The following BBS12 variants were observed in gnomAD, a reference collection of about 807,000 sequenced individuals.
BBS12 encodes chaperonin-containing T-complex member BBS12.
Under a neutral mutation model 5.6 loss-of-function variants are expected in BBS12, and 5 were observed. That is an observed-to-expected ratio of 0.89 (90% CI 0.46 to 1.86). BBS12 has a LOEUF of 1.86. BBS12 is among the 40% of genes most tolerant of loss of function. The pLI, the probability that BBS12 is intolerant of heterozygous loss-of-function variation, is 0.01. For missense variants in BBS12, 748 were observed against 830.4 expected (o/e 0.90, Z 1.22); for synonymous variants, 308 against 306.8 (o/e 1.00, Z -0.04).
At chr4:122,716,671 GTGTATATATACACA>G in the BBS12 span, among the ~76,000 whole-genome samples, 37 of 61,256 alleles carry the variant, frequency 6.0e-4, no homozygotes, top group African/African-American at 2.6e-3. Context: ...ATACACATAT[GTGTATATATACACA>G]TATGTGTATG....
At chr4:122,726,502 GAAAAAA>G in the BBS12 span, among the ~76,000 whole-genome samples, 1 of 152,112 alleles carries the variant, frequency 6.6e-6, no homozygotes, top group Non-Finnish European at 1.5e-5. Context: ...AGCCACTATG[GAAAAAA>G]CTGTGGAGAT....
chr4:122,743,907 C>G lies in BBS12; in HGVS notation c.2015C>G (p.Ala672Gly). The change falls in exon 2 of 2, where the codon GCG becomes GGG. Residue 672 changes from alanine to glycine, a missense_variant. Ala to Gly is a moderately conservative substitution (Grantham distance 60, BLOSUM62 0). Coordinates refer to ENST00000314218, the MANE Select transcript of BBS12 (RefSeq NM_152618.3). ...VYDVVTPKIE[A>G]WRRALDLVLL... ...GACGTTGTTACACCAAAGATTGAGGCGTGGCGCCGAGCATTGGATTTAGTA... is the reference window on the plus strand; with the variant it reads ...GACGTTGTTACACCAAAGATTGAGGGGTGGCGCCGAGCATTGGATTTAGTA... 1 of 1,605,508 alleles carries G rather than the reference C, an allele frequency of 6.2e-7. No homozygotes were observed. Among genetic ancestry groups the G allele is most frequent in the Non-Finnish European group, 8.5e-7 (1 of 1,176,008 alleles).
In BBS12 at chr4:122,736,508, GA is replaced by G. The variant is rs149165104; in HGVS notation, c.-11+3634del. ...TAGACAAAACTGGACATAATCTTTT[GA>G]AAAAAAAAACTTATTCTGATGTCAA... is the stretch of plus-strand genomic sequence containing the variant. On this transcript the variant is annotated intron_variant, in intron 1 of 1. Transcript: ENST00000314218. Among the ~76,000 whole-genome samples the G allele has an allele frequency of 7.1e-3, 1,057 of 148,146 alleles. 12 individuals carry two copies. The highest frequency in any genetic ancestry group is 0.025 in the African/African-American group (1,003 of 40,588).
the BBS12 span, among the ~76,000 whole-genome samples, chr4:122,714,270 T>G: frequency 1.2e-3 from 177 of 152,300 alleles, no homozygotes; most frequent in African/African-American, 4.2e-3. Context: ...CTGTTATCCT[T>G]GGTACCTTGA....
At position 122,743,948 on chromosome 4, in the gene BBS12, A is replaced by G. The variant is rs1471086268; in HGVS notation, c.2056A>G (p.Thr686Ala). The change falls in exon 2 of 2, where the codon ACA becomes GCA. Residue 686 changes from threonine to alanine, a missense_variant. By Grantham distance (58) the Thr-to-Ala change is moderately conservative. Coordinates refer to ENST00000314218, the MANE Select transcript of BBS12 (RefSeq NM_152618.3). The stretch of plus-strand genomic sequence containing the variant: ...GGATTTAGTATTGTTAGTACTTCAG[A>G]CAGACAGTGAAATAATTACTGGACA... The part of the protein sequence containing the change: ...ALDLVLLVLQ[T>A]DSEIITGHGH... 1 of 1,612,812 alleles carries G rather than the reference A, an allele frequency of 6.2e-7. No individual in the cohort carries two copies. The highest frequency in any genetic ancestry group is 8.5e-7 in the Non-Finnish European group (1 of 1,179,686).
At chr4:122,700,819 G>T in the BBS12 span, among the ~76,000 whole-genome samples, 2 of 152,194 alleles carry the variant, frequency 1.3e-5, no homozygotes, top group Non-Finnish European at 2.9e-5. Context: ...GGAGAAGAGG[G>T]TCAGAAGCTT....
upstream of BBS12, chr4:122,731,396 T>G (rs912290255): frequency 5.3e-5 from 8 of 152,176 alleles, no homozygotes; most frequent in Non-Finnish European, 1.5e-5. Context: ...AGTCTTCTCA[T>G]TACTACCCTG....
chr4:122,743,952 A>G lies in BBS12; in HGVS notation c.2060A>G (p.Asp687Gly). Residue 687 changes from aspartate (D) to glycine (G), a missense_variant, in exon 2 of 2, where the codon GAC becomes GGC. Coordinates refer to ENST00000314218, the MANE Select transcript of BBS12 (RefSeq NM_152618.3). ...TTAGTATTGTTAGTACTTCAGACAG[A>G]CAGTGAAATAATTACTGGACATGGA... ...LDLVLLVLQT[D>G]SEIITGHGHT... 1 of 1,612,866 alleles carries G rather than the reference A, an allele frequency of 6.2e-7. No individual in the cohort carries two copies. The highest frequency in any genetic ancestry group is 1.1e-5 in the South Asian group (1 of 90,692).
chr4:122,705,062 T>C, the BBS12 span, among the ~76,000 whole-genome samples: 18 of 152,224 alleles, frequency 1.2e-4, no homozygotes, highest in African/African-American at 4.3e-4. Flanking sequence ...CATGCCCTCT[T>C]GCACATCTGC....
chr4:122,732,186 T>G (rs74554328), upstream of BBS12: 11 of 152,340 alleles, frequency 7.2e-5, no homozygotes, highest in East Asian at 2.1e-3. Flanking sequence ...TGTATGGTAG[T>G]TAGATGCCTG....
intron 1 of BBS12, among the ~76,000 whole-genome samples, chr4:122,735,392 G>C (rs942032897): frequency 1.3e-5 from 2 of 152,178 alleles, no homozygotes; most frequent in African/African-American, 4.8e-5. Flanking sequence ...ATCAAGCCAA[G>C]GAGTAAAGAC....
chr4:122,744,180 AC>A lies in BBS12; in HGVS notation c.*158del, dbSNP rs1259706726. The A allele has an allele frequency of 2.5e-6, 2 of 787,570 alleles. No homozygotes were observed. Among genetic ancestry groups the A allele is most frequent in the Non-Finnish European group, 4.1e-6 (2 of 485,038 alleles). The allele number at this position is 787,570 out of a possible 1,614,324, so 48.8% of individuals were successfully genotyped here. Reference sequence around the variant, plus strand: ...ATAACTGTGCATGGTCTGAGATTTTACCCTACTTATAAGCTAACAAGTTAGC... The same window carrying A: ...ATAACTGTGCATGGTCTGAGATTTTACCTACTTATAAGCTAACAAGTTAGC... On this transcript the variant is annotated 3_prime_UTR_variant, in exon 2 of 2. Transcript: ENST00000314218.
chr4:122,712,959 T>C, the BBS12 span, among the ~76,000 whole-genome samples: 1 of 152,242 alleles, frequency 6.6e-6, no homozygotes, highest in Non-Finnish European at 1.5e-5. Context: ...CTTGGGCAAC[T>C]GCATATGTGG....
At chr4:122,733,659 G>A (rs1800739783) in intron 1 of BBS12, among the ~76,000 whole-genome samples, 1 of 152,170 alleles carries the variant, frequency 6.6e-6, no homozygotes, top group Non-Finnish European at 1.5e-5. Context: ...AAGGACAGGG[G>A]AGAAAGACTG....
Position 122,744,364 on chromosome 4 carries a change from T to G in BBS12, c.*339T>G. On this transcript the variant is annotated 3_prime_UTR_variant, in exon 2 of 2. Coordinates refer to ENST00000314218, the MANE Select transcript of BBS12 (RefSeq NM_152618.3). ...CCACAGGAGGAACACAAAGGGCCCA[T>G]GATGAAAGCCTGCACACAGTGGGTT... 1 of 281,832 alleles carries G rather than the reference T, an allele frequency of 3.5e-6. No individual in the cohort carries two copies. Among genetic ancestry groups the G allele is most frequent in the Non-Finnish European group, 7.2e-6 (1 of 138,794 alleles). 17.5% of individuals were successfully genotyped at this position (281,832 alleles called of 1,614,324 possible).
Position 122,742,111 on chromosome 4 carries a change from A to G in BBS12, c.219A>G (p.Ala73=), listed in dbSNP as rs1800883597. The G allele has an allele frequency of 6.2e-7, 1 of 1,614,090 alleles. No individual in the cohort carries two copies. The highest frequency in any genetic ancestry group is 1.3e-5 in the African/African-American group (1 of 74,950). Residue 73 remains alanine, a synonymous_variant, in exon 2 of 2, where the codon GCA becomes GCG. Transcript: ENST00000314218. ...CAGTGGGACAACTTCTCAATGAAGC[A>G]GTTCAAGCACAAAACAACACATATA... ...TSAVGQLLNE[A]VQAQNNTYRT...
At chr4:122,719,594 C>T in the BBS12 span, among the ~76,000 whole-genome samples, 1 of 152,234 alleles carries the variant, frequency 6.6e-6, no homozygotes, top group Non-Finnish European at 1.5e-5. Flanking sequence ...AGAGCTGTAA[C>T]ACTCACTGAG....
At position 122,743,003 on chromosome 4, in the gene BBS12, G is replaced by A; in HGVS notation, c.1111G>A (p.Gly371Arg). The A allele has an allele frequency of 1.2e-6, 2 of 1,614,154 alleles. No individual in the cohort carries two copies. The highest frequency in any genetic ancestry group is 1.7e-6 in the Non-Finnish European group (2 of 1,180,042). ...CCTCACAGAGAATTACCGCCACCTG[G>A]GATTTAATAAGTCTGCAAATATTAA... is the stretch of plus-strand genomic sequence containing the variant. ...GDLTENYRHL[G>R]FNKSANIKTV... The change falls in exon 2 of 2, where the codon GGA (glycine) becomes AGA (arginine). Residue 371 changes from glycine to arginine, a missense_variant. Transcript: ENST00000314218.
the BBS12 span, among the ~76,000 whole-genome samples, chr4:122,725,932 T>A: frequency 1.4e-5 from 2 of 138,304 alleles, no homozygotes; most frequent in East Asian, 2.1e-4. Context: ...TCAAGATGGA[T>A]CAAGGACACA....
Sources: gnomAD v4.1 joint callset for allele counts (sites outside exome capture counted in the v4.1 genomes callset) on GRCh38, gnomAD v4.1.1 for gene constraint, MANE v1.5 for transcripts, NCBI Gene and HGNC (gene_info 2026-07-23, HGNC 2026-07-21) for gene names.